The following TMEM132D variants were observed in gnomAD, a reference collection of about 807,000 sequenced individuals.
The protein encoded by TMEM132D is transmembrane protein 132D, also known as mature OL transmembrane protein.
Under a neutral mutation model 62.3 loss-of-function variants are expected in TMEM132D, and 21 were observed. The ratio of observed to expected loss-of-function variants is 0.34; its 90% CI spans 0.24 to 0.49. TMEM132D has a LOEUF of 0.49. Ranked by LOEUF, TMEM132D falls within the 20% of genes least tolerant of loss-of-function variation. TMEM132D has a pLI of 0.99. For synonymous variants in TMEM132D, 621 were observed against 575.6 expected, an observed-to-expected ratio of 1.08 and a Z score of -1.13; for missense variants, 1,346 against 1,402.8, an observed-to-expected ratio of 0.96 and a Z score of 0.65.
chr12:129,246,965 C>A (rs540279377), intron 4 of TMEM132D, among the ~76,000 whole-genome samples: 1 of 152,156 alleles, frequency 6.6e-6, no homozygotes, highest in East Asian at 1.9e-4. Flanking sequence ...TATACTCATC[C>A]AGTCATTTAT....
At chr12:129,123,082 T>A (rs1383487802) in intron 5 of TMEM132D, among the ~76,000 whole-genome samples, 1 of 152,184 alleles carries the variant, frequency 6.6e-6, no homozygotes, top group Non-Finnish European at 1.5e-5. Context: ...AGAAAGGAAC[T>A]TTTCTAAACT....
intron 5 of TMEM132D, among the ~76,000 whole-genome samples, chr12:129,088,397 CGGGTGTCCTCCCTGACTG>C (rs1398547443): frequency 2.5e-5 from 1 of 39,690 alleles, no homozygotes; most frequent in Non-Finnish European, 4.2e-5. Flanking sequence ...CCTCTATGAC[CGGGTGTCCTCCCTGACTG>C]GGGTGTCCTC....
chr12:129,606,044 C>T (rs1878616520), intron 2 of TMEM132D, among the ~76,000 whole-genome samples: 1 of 152,098 alleles, frequency 6.6e-6, no homozygotes. Flanking sequence ...AGCTACTGTG[C>T]TTACTAAAAT....
intron 3 of TMEM132D, among the ~76,000 whole-genome samples, chr12:129,498,410 C>T (rs1159225825): frequency 6.6e-6 from 1 of 152,064 alleles, no homozygotes; most frequent in African/African-American, 2.4e-5. Flanking sequence ...CACACCACCA[C>T]CCTCAGCTAA....
At position 129,074,635 on chromosome 12, in the gene TMEM132D, A is replaced by G. The variant is rs200627096; in HGVS notation, c.2540T>C (p.Met847Thr). The G allele has an allele frequency of 6.2e-7, 1 of 1,614,054 alleles. No homozygotes were observed. Among genetic ancestry groups the G allele is most frequent in the Non-Finnish European group, 8.5e-7 (1 of 1,180,020 alleles). ...GGTGCCCCGTCCCTCCATGAGTCCCATAGAAGAACTGCCATAGTACTGTCC... is the reference window on the plus strand; with the variant it reads ...GGTGCCCCGTCCCTCCATGAGTCCCGTAGAAGAACTGCCATAGTACTGTCC... ...QEGQYYGSSS[M>T]GLMEGRGTTT... The change falls in exon 9 of 9, where the codon ATG becomes ACG. Residue 847 changes from methionine to threonine, a missense_variant. Coordinates refer to ENST00000422113, the MANE Select transcript of TMEM132D (RefSeq NM_133448.3).
chr12:129,899,360 A>ACTGG (rs1276187650), intron 1 of TMEM132D, among the ~76,000 whole-genome samples: 2 of 147,186 alleles, frequency 1.4e-5, no homozygotes, highest in African/African-American at 5.2e-5. Flanking sequence ...GGAGGGATGG[A>ACTGG]TGGATGGATG....
intron 5 of TMEM132D, among the ~76,000 whole-genome samples, chr12:129,128,589 T>C (rs1281441016): frequency 6.6e-6 from 1 of 152,174 alleles, no homozygotes; most frequent in Non-Finnish European, 1.5e-5. Flanking sequence ...CAATTCAAGA[T>C]GAGATTTAGG....
chr12:129,190,114 G>GAGTCTCAGGCCTGCAGATGGAGGGAGGGA (rs11404897), intron 5 of TMEM132D, among the ~76,000 whole-genome samples: 2 of 20,284 alleles, frequency 9.9e-5, no homozygotes, highest in Admixed American at 9.5e-4. Context: ...TGGAGGGAGG[G>GAGTCTCAGGCCTGCAGATGGAGGGAGGGA]GTCTTGGGGG....
chr12:129,170,393 T>C (rs1351145171), intron 5 of TMEM132D, among the ~76,000 whole-genome samples: 1 of 152,204 alleles, frequency 6.6e-6, no homozygotes, highest in African/African-American at 2.4e-5. Context: ...GCAAGAAAGC[T>C]TATATCTCAA....
intron 3 of TMEM132D, among the ~76,000 whole-genome samples, chr12:129,465,042 A>C (rs1165813708): frequency 2.6e-5 from 4 of 151,666 alleles, no homozygotes; most frequent in African/African-American, 7.3e-5. Context: ...ATGGCATTGA[A>C]TCTATTAATT....
chr12:129,141,456 T>A (rs11614748), intron 5 of TMEM132D, among the ~76,000 whole-genome samples: 52,776 of 152,044 alleles, frequency 0.35, 10,619 homozygotes, highest in Non-Finnish European at 0.45. Context: ...GTGTTCTGTA[T>A]ATGATGGAAA....
Position 129,078,586 on chromosome 12 carries a change from C to T in TMEM132D, c.2063G>A (p.Arg688Lys). The T allele has an allele frequency of 1.2e-6, 2 of 1,614,160 alleles. No individual in the cohort carries two copies. The highest frequency in any genetic ancestry group is 3.3e-5 in the Admixed American group (2 of 60,026). ...LSLQLSPGSN[R>K]AIFATAVAQE... ...AGCCACTGCAGTGGCAAAGATGGCCCTGTTGCTTCCTGGGCTGAGCTGCAA... is the reference window on the plus strand; with the variant it reads ...AGCCACTGCAGTGGCAAAGATGGCCTTGTTGCTTCCTGGGCTGAGCTGCAA... The change falls in exon 8 of 9, where the codon AGG (arginine) becomes AAG (lysine). Residue 688 changes from arginine to lysine, a missense_variant. By Grantham distance (26) the Arg-to-Lys change is conservative. Coordinates refer to ENST00000422113, the MANE Select transcript of TMEM132D (RefSeq NM_133448.3).
intron 2 of TMEM132D, among the ~76,000 whole-genome samples, chr12:129,559,417 G>T (rs754273309): frequency 6.6e-6 from 1 of 152,168 alleles, no homozygotes; most frequent in African/African-American, 2.4e-5. Context: ...TTCCTCAGGG[G>T]TCTAAAAGGA....
chr12:129,421,596 G>A (rs1872326223), intron 3 of TMEM132D, among the ~76,000 whole-genome samples: 1 of 152,178 alleles, frequency 6.6e-6, no homozygotes, highest in Non-Finnish European at 1.5e-5. Flanking sequence ...CTGAGATTAA[G>A]AAACCTGAAT....
At chr12:129,701,679 G>A (rs1881388866) in intron 1 of TMEM132D, among the ~76,000 whole-genome samples, 1 of 152,186 alleles carries the variant, frequency 6.6e-6, no homozygotes, top group African/African-American at 2.4e-5. Flanking sequence ...CAGAGCAATT[G>A]CATAATCCAA....
chr12:129,248,639 C>T (rs1316456782), intron 4 of TMEM132D, among the ~76,000 whole-genome samples: 1 of 151,836 alleles, frequency 6.6e-6, no homozygotes, highest in Non-Finnish European at 1.5e-5. Flanking sequence ...GTTTGTTGTA[C>T]AGATTATTTC....
chr12:129,586,843 T>C (rs773651320), intron 2 of TMEM132D, among the ~76,000 whole-genome samples: 2 of 151,982 alleles, frequency 1.3e-5, no homozygotes, highest in Non-Finnish European at 2.9e-5. Flanking sequence ...GCATTCCAAA[T>C]CAATAGGGAA....
At chr12:129,784,472 T>G (rs982956139) in intron 1 of TMEM132D, among the ~76,000 whole-genome samples, 1 of 152,224 alleles carries the variant, frequency 6.6e-6, no homozygotes, top group Non-Finnish European at 1.5e-5. Context: ...ACTTATTTAT[T>G]CTCATAAATC....
intron 3 of TMEM132D, among the ~76,000 whole-genome samples, chr12:129,501,014 C>CT (rs397752788): frequency 7.9e-5 from 12 of 151,862 alleles, no homozygotes; most frequent in African/African-American, 2.9e-4. Flanking sequence ...TTTAGTCTCC[C>CT]CTGTAAATGA....
Sources: allele counts gnomAD v4.1 joint callset (sites outside exome capture counted in the v4.1 genomes callset), GRCh38; gene constraint gnomAD v4.1.1; transcripts MANE v1.5; gene names NCBI Gene and HGNC (gene_info 2026-07-23, HGNC 2026-07-21).